Variants in EDIL3 observed in about 807,000 individuals in gnomAD.
EDIL3 encodes the protein EGF-like repeat and discoidin I-like domain-containing protein 3.
A neutral mutation model predicts 67.4 loss-of-function variants in EDIL3; 37 were observed. The observed-to-expected ratio is 0.55, with a 90% CI of 0.42 to 0.72. EDIL3 has a LOEUF of 0.72. Ranked by LOEUF, EDIL3 falls within the 30% of genes least tolerant of loss-of-function variation. The pLI, the probability that EDIL3 is intolerant of heterozygous loss-of-function variation, is 0.00. For synonymous variants in EDIL3, 195 were observed against 196.3 expected (o/e 0.99, Z 0.05); for missense variants, 527 against 586.3 (o/e 0.90, Z 1.04).
chr5:84,297,747 T>A (rs1254374360), intron 1 of EDIL3, among the ~76,000 whole-genome samples: 1 of 152,100 alleles, frequency 6.6e-6, no homozygotes, highest in Non-Finnish European at 1.5e-5. Context: ...AGGACATGAT[T>A]TACAGCTGTG....
chr5:83,976,447 T>C lies in EDIL3; in HGVS notation c.1138-13087A>G, dbSNP rs1744877959. On this transcript the variant is annotated intron_variant, in intron 9 of 10. Transcript: ENST00000296591. The stretch of plus-strand genomic sequence containing the variant: ...CAGGCATTAATGAATGTGTCAAACA[T>C]TTGTACACTGAGAATGCTTTTTGCC... 2.6e-5 allele frequency among the ~76,000 whole-genome samples: 4 copies of C among 151,886 alleles called. No homozygotes were observed. In the Admixed American group the frequency reaches 2.6e-4, roughly 10 times the overall value.
At chr5:84,366,308 A>G (rs1747732658) in intron 1 of EDIL3, among the ~76,000 whole-genome samples, 1 of 152,100 alleles carries the variant, frequency 6.6e-6, no homozygotes, top group Admixed American at 6.6e-5. Flanking sequence ...ATCATGGGCC[A>G]CAGATATGGT....
At chr5:84,348,322 T>C (rs150985197) in intron 1 of EDIL3, among the ~76,000 whole-genome samples, 284 of 152,198 alleles carry the variant, frequency 1.9e-3, no homozygotes, top group African/African-American at 6.5e-3. Flanking sequence ...CCTTTAAGTA[T>C]AGAAATGGTA....
intron 9 of EDIL3, among the ~76,000 whole-genome samples, chr5:84,059,375 C>A (rs1306311713): frequency 6.6e-6 from 1 of 152,140 alleles, no homozygotes; most frequent in Non-Finnish European, 1.5e-5. Flanking sequence ...TGCTCTCTAG[C>A]CTGGGCAACA....
chr5:84,222,551 G>A (rs994122729), intron 3 of EDIL3, among the ~76,000 whole-genome samples: 2 of 151,762 alleles, frequency 1.3e-5, no homozygotes, highest in Non-Finnish European at 3.0e-5. Context: ...CTGATAAGAG[G>A]TCACATACAC....
rs141460127 is a variant in EDIL3, at chr5:83,995,515, T to C, written c.1138-32155A>G. Among the ~76,000 whole-genome samples, 142 of 152,312 alleles carry C rather than the reference T, an allele frequency of 9.3e-4. 1 individual carries two copies. Among genetic ancestry groups the C allele is most frequent in the Non-Finnish European group, 1.7e-3 (117 of 68,030 alleles). ...TGAGTCGTTGCATACTAAAAATGAA[T>C]ATTGAATCTAGGAAGCTGAAACTTT... On this transcript the variant is annotated intron_variant, in intron 9 of 10. Coordinates refer to ENST00000296591, the MANE Select transcript of EDIL3 (RefSeq NM_005711.5).
At chr5:84,104,143 T>G (rs1277038662) in intron 6 of EDIL3, among the ~76,000 whole-genome samples, 1 of 151,856 alleles carries the variant, frequency 6.6e-6, no homozygotes, top group Non-Finnish European at 1.5e-5. Context: ...ACTACATGTT[T>G]TCCCTTAGCA....
chr5:84,305,608 G>C (rs1322351326), intron 1 of EDIL3, among the ~76,000 whole-genome samples: 3 of 152,170 alleles, frequency 2.0e-5, no homozygotes, highest in Non-Finnish European at 2.9e-5. Context: ...GGCCGAGTGC[G>C]GTGGCTCACG....
intron 4 of EDIL3, among the ~76,000 whole-genome samples, chr5:84,173,183 T>C (rs1057207870): frequency 6.6e-6 from 1 of 152,124 alleles, no homozygotes; most frequent in Admixed American, 6.6e-5. Context: ...CACATGAGTA[T>C]GGAGGTGCCT....
intron 1 of EDIL3, among the ~76,000 whole-genome samples, chr5:84,293,938 T>C (rs1437195519): frequency 2.0e-5 from 3 of 151,998 alleles, no homozygotes; most frequent in Non-Finnish European, 4.4e-5. Flanking sequence ...ATTTTAGGTT[T>C]GTTGGAAACA....
intron 6 of EDIL3, among the ~76,000 whole-genome samples, chr5:84,079,547 AT>A (rs113748658): frequency 1.9e-4 from 28 of 149,344 alleles, no homozygotes; most frequent in Middle Eastern, 3.4e-3. Flanking sequence ...AGAGTAGGAA[AT>A]TTTTTTTTTT....
chr5:84,005,152 A>T (rs975968867), intron 9 of EDIL3, among the ~76,000 whole-genome samples: 9 of 152,156 alleles, frequency 5.9e-5, no homozygotes, highest in African/African-American at 2.2e-4. Context: ...AACCCTGAAC[A>T]GATCAATAAT....
At chr5:84,122,007 A>G (rs1747784700) in intron 5 of EDIL3, among the ~76,000 whole-genome samples, 1 of 152,110 alleles carries the variant, frequency 6.6e-6, no homozygotes, top group Admixed American at 6.6e-5. Context: ...ATCATTGATC[A>G]ATTTAATTGA....
chr5:84,065,678 T>TA (rs1669630036), intron 7 of EDIL3, among the ~76,000 whole-genome samples: 1 of 152,172 alleles, frequency 6.6e-6, no homozygotes, highest in African/African-American at 2.4e-5. Context: ...TAATATTCAA[T>TA]ACCTCTAAAA....
intron 1 of EDIL3, among the ~76,000 whole-genome samples, chr5:84,373,565 A>C (rs1580109536): frequency 6.6e-6 from 1 of 152,298 alleles, no homozygotes; most frequent in African/African-American, 2.4e-5. Context: ...TGGAAAAAAG[A>C]CTTTAGAAAT....
Position 84,010,198 on chromosome 5 carries a change from G to A in EDIL3, c.1138-46838C>T, listed in dbSNP as rs147089029. ...TTAATGTTTCACATTGACATCTCTC[G>A]TTTCTTCATCTTTCTTATTCCTAGA... On this transcript the variant is annotated intron_variant, in intron 9 of 10. Coordinates refer to ENST00000296591, the MANE Select transcript of EDIL3 (RefSeq NM_005711.5). Among the ~76,000 whole-genome samples the A allele has an allele frequency of 4.6e-5, 7 of 152,266 alleles. No homozygotes were observed. The South Asian group carries it at 1.0e-3, about 23-fold the overall frequency.
intron 5 of EDIL3, among the ~76,000 whole-genome samples, chr5:84,129,929 G>A (rs913549451): frequency 4.6e-5 from 7 of 152,086 alleles, no homozygotes; most frequent in Admixed American, 2.0e-4. Context: ...TCACATGTTG[G>A]TTAAATAACA....
chr5:84,161,111 G>C (rs554516404), intron 4 of EDIL3, among the ~76,000 whole-genome samples: 1 of 151,986 alleles, frequency 6.6e-6, no homozygotes, highest in East Asian at 1.9e-4. Context: ...CCATTCCTGA[G>C]TTTCTACACT....
chr5:84,052,653 G>A (rs915352025), intron 9 of EDIL3, among the ~76,000 whole-genome samples: 15 of 152,284 alleles, frequency 9.9e-5, no homozygotes, highest in Middle Eastern at 3.4e-3. Context: ...GGCAGGGGTT[G>A]CAATCCTAGT....
Sources: allele counts gnomAD v4.1 joint callset (sites outside exome capture counted in the v4.1 genomes callset), GRCh38; gene constraint gnomAD v4.1.1; transcripts MANE v1.5; gene names NCBI Gene and HGNC (gene_info 2026-07-23, HGNC 2026-07-21).